Variants in GULP1 observed in about 807,000 individuals in gnomAD.
GULP1 encodes GULP PTB domain containing engulfment adaptor 1.
GULP1 carries 19 observed loss-of-function variants against 40.9 expected under a neutral mutation model. That is an observed-to-expected ratio of 0.46 (90% confidence interval 0.32 to 0.68). GULP1 has a LOEUF of 0.68. Among genes scored for constraint, GULP1 ranks in the 30% least tolerant of loss-of-function variants. GULP1 has a pLI of 0.03. For missense variants in GULP1, 312 were observed against 362.2 expected, an observed-to-expected ratio of 0.86 and a Z score of 1.12; for synonymous variants, 119 against 117.6, an observed-to-expected ratio of 1.01 and a Z score of -0.08.
At position 188,519,416 on chromosome 2, in the gene GULP1, A is replaced by G. The variant is rs116792312; in HGVS notation, c.91-3340A>G. ...TGAATATTCCTCCAGAAATACTGCC[A>G]GTAAAACTTATAGTCTATTACTGAT... On this transcript the variant is annotated intron_variant, in intron 4 of 11. Transcript: ENST00000409830. Among the ~76,000 whole-genome samples the G allele has an allele frequency of 6.2e-3, 943 of 152,318 alleles. 12 individuals are homozygous for G. The highest frequency in any genetic ancestry group is 0.022 in the African/African-American group (907 of 41,564).
chr2:188,443,263 A>G (rs2058092125), intron 2 of GULP1, among the ~76,000 whole-genome samples: 1 of 152,116 alleles, frequency 6.6e-6, no homozygotes, highest in Non-Finnish European at 1.5e-5. Context: ...CAAATGCCTT[A>G]AAATTGGACA....
chr2:188,404,855 C>G (rs1053317538), intron 2 of GULP1, among the ~76,000 whole-genome samples: 4 of 152,012 alleles, frequency 2.6e-5, no homozygotes, highest in African/African-American at 9.7e-5. Flanking sequence ...CCCATGCAAC[C>G]CAGGCTTCAG....
chr2:188,457,147 G>A (rs962490056), intron 2 of GULP1, among the ~76,000 whole-genome samples: 1 of 152,144 alleles, frequency 6.6e-6, no homozygotes, highest in Non-Finnish European at 1.5e-5. Flanking sequence ...TGCGACTTTG[G>A]ACTGTGGACT....
chr2:188,391,429 G>A (rs1574952311), intron 2 of GULP1, among the ~76,000 whole-genome samples: 1 of 152,044 alleles, frequency 6.6e-6, no homozygotes, highest in East Asian at 1.9e-4. Flanking sequence ...TTGGCATATA[G>A]CAGTGCTACT....
Position 188,493,085 on chromosome 2 carries a change from C to A in GULP1, c.90+9593C>A, listed in dbSNP as rs574224317. On this transcript the variant is annotated intron_variant, in intron 4 of 11. Transcript: ENST00000409830. ...TGAAATGCATTCAGATAACCAAACA[C>A]TTTATTTACTATTTCTTCTTCTCTA... 2.6e-5 allele frequency among the ~76,000 whole-genome samples: 4 copies of A among 152,178 alleles called. No individual in the cohort carries two copies. In the South Asian group the frequency reaches 8.3e-4, roughly 32 times the overall value.
chr2:188,418,413 C>G (rs1393529635), intron 2 of GULP1, among the ~76,000 whole-genome samples: 1 of 152,044 alleles, frequency 6.6e-6, no homozygotes, highest in Admixed American at 6.6e-5. Flanking sequence ...GGCCGGATCC[C>G]CTGAGGTCAG....
intron 4 of GULP1, among the ~76,000 whole-genome samples, chr2:188,509,707 A>G (rs1575679357): frequency 6.6e-6 from 1 of 152,100 alleles, no homozygotes; most frequent in South Asian, 2.1e-4. Context: ...AAAGCAAACA[A>G]TAATCACTTA....
chr2:188,531,432 A>G (rs989823767), intron 6 of GULP1, among the ~76,000 whole-genome samples: 1 of 152,202 alleles, frequency 6.6e-6, no homozygotes, highest in Non-Finnish European at 1.5e-5. Context: ...CATACCTTCA[A>G]CTTCCCATAT....
chr2:188,539,735 A>T (rs2153308976), intron 6 of GULP1, among the ~76,000 whole-genome samples: 1 of 152,248 alleles, frequency 6.6e-6, no homozygotes, highest in African/African-American at 2.4e-5. Flanking sequence ...CAGTTCTCTT[A>T]GCATTTATTT....
chr2:188,352,610 T>A (rs866208080), intron 1 of GULP1, among the ~76,000 whole-genome samples: 1,710 of 40,718 alleles, frequency 0.042, 15 homozygotes, highest in Non-Finnish European at 0.053. Context: ...TTTCTCTCTC[T>A]CTCTCTCTCA....
chr2:188,309,134 T>C lies in GULP1; in HGVS notation c.-172+16968T>C, dbSNP rs115671070. Among the ~76,000 whole-genome samples the C allele has an allele frequency of 9.4e-3, 1,434 of 152,254 alleles. 13 individuals carry two copies. The highest frequency in any genetic ancestry group is 0.018 in the Admixed American group (274 of 15,292). On this transcript the variant is annotated intron_variant, in intron 1 of 11. Transcript: ENST00000409830. Reference sequence around the variant, plus strand: ...AATGGCATTTTTCTTTTCGATCCTGTCTTTTGGGAGATGTAACATCACGAA... The same window carrying C: ...AATGGCATTTTTCTTTTCGATCCTGCCTTTTGGGAGATGTAACATCACGAA...
intron 2 of GULP1, among the ~76,000 whole-genome samples, chr2:188,389,731 C>T (rs2050261910): frequency 6.6e-6 from 1 of 152,056 alleles, no homozygotes; most frequent in East Asian, 1.9e-4. Flanking sequence ...GTGCATTGTA[C>T]CCAATATGTA....
At chr2:188,557,097 A>T (rs1168323443) in intron 7 of GULP1, among the ~76,000 whole-genome samples, 1 of 152,026 alleles carries the variant, frequency 6.6e-6, no homozygotes, top group Non-Finnish European at 1.5e-5. Context: ...CCAACATTGG[A>T]GATTACAGTT....
chr2:188,573,463 C>T (rs1699532324), intron 9 of GULP1, among the ~76,000 whole-genome samples: 1 of 152,186 alleles, frequency 6.6e-6, no homozygotes, highest in South Asian at 2.1e-4. Flanking sequence ...TACCATGTGT[C>T]TGCAATAAAG....
chr2:188,496,511 A>G (rs1349405121), intron 4 of GULP1, among the ~76,000 whole-genome samples: 1 of 152,042 alleles, frequency 6.6e-6, no homozygotes, highest in Middle Eastern at 3.2e-3. Context: ...AAAATGAGCA[A>G]GATTAAATAT....
Position 188,548,810 on chromosome 2 carries a change from TGC to T in GULP1, c.399+7493_399+7494del, listed in dbSNP as rs772688657. Among the ~76,000 whole-genome samples, 64 of 148,854 alleles carry T rather than the reference TGC, an allele frequency of 4.3e-4. 1 individual carries two copies. The highest frequency in any genetic ancestry group is 5.2e-4 in the Non-Finnish European group (35 of 66,994). On this transcript the variant is annotated intron_variant, in intron 7 of 11. Transcript: ENST00000409830. ...ATGTTTGTCAATGCTGCAAAAGCAG[TGC>T]AATAGGGGAAAGAAGGTTTTGTTTT...
intron 1 of GULP1, among the ~76,000 whole-genome samples, chr2:188,340,097 A>G (rs1413249676): frequency 6.6e-6 from 1 of 152,190 alleles, no homozygotes; most frequent in Non-Finnish European, 1.5e-5. Flanking sequence ...GGGATGGACT[A>G]CCTTTAGGAG....
chr2:188,559,331 G>A (rs757113781), intron 7 of GULP1, among the ~76,000 whole-genome samples: 10 of 152,196 alleles, frequency 6.6e-5, no homozygotes, highest in Non-Finnish European at 8.8e-5. Flanking sequence ...CATCCACGTC[G>A]TTTTGGACCT....
chr2:188,371,183 C>T (rs1251456660), intron 1 of GULP1, among the ~76,000 whole-genome samples: 3 of 152,046 alleles, frequency 2.0e-5, no homozygotes, highest in Non-Finnish European at 1.5e-5. Flanking sequence ...TTTCAAATTT[C>T]ATACTGTTTA....
Sources: allele counts gnomAD v4.1 joint callset (sites outside exome capture counted in the v4.1 genomes callset), GRCh38; gene constraint gnomAD v4.1.1; transcripts MANE v1.5; gene names NCBI Gene and HGNC (gene_info 2026-07-23, HGNC 2026-07-21).